Variants in AFG2A observed in about 807,000 individuals in gnomAD.
The protein encoded by AFG2A is ATPase family gene 2 protein homolog A.
chr4:123,291,838 A>G, the AFG2A span, among the ~76,000 whole-genome samples: 94 of 152,328 alleles, frequency 6.2e-4, no homozygotes, highest in African/African-American at 2.0e-3. Context: ...CCTGATGAAT[A>G]TATGCCTTGC....
the AFG2A span, among the ~76,000 whole-genome samples, chr4:123,193,364 C>T: frequency 1.3e-5 from 2 of 152,040 alleles, no homozygotes; most frequent in Non-Finnish European, 2.9e-5. Flanking sequence ...CTGAACATTC[C>T]CTAGTGTACA....
the AFG2A span, among the ~76,000 whole-genome samples, chr4:122,986,795 C>T: frequency 0.011 from 1,734 of 152,146 alleles, 44 homozygotes; most frequent in African/African-American, 0.039. Flanking sequence ...GTGTATTCTG[C>T]GGCCATTGGT....
chr4:123,023,223 A>G, the AFG2A span, among the ~76,000 whole-genome samples: 1 of 152,076 alleles, frequency 6.6e-6, no homozygotes, highest in South Asian at 2.1e-4. Context: ...AAGGAAAAAA[A>G]AGGGTTAAAA....
the AFG2A span, among the ~76,000 whole-genome samples, chr4:123,226,073 G>C: frequency 6.6e-5 from 10 of 152,188 alleles, no homozygotes; most frequent in Middle Eastern, 3.4e-3. Flanking sequence ...TATCCTGAGA[G>C]TTTGCTGAAG....
At chr4:123,183,732 C>T in the AFG2A span, among the ~76,000 whole-genome samples, 1 of 152,114 alleles carries the variant, frequency 6.6e-6, no homozygotes, top group Non-Finnish European at 1.5e-5. Flanking sequence ...GCTTGATTTA[C>T]ATGAGGCCCA....
the AFG2A span, among the ~76,000 whole-genome samples, chr4:123,132,752 G>T: frequency 6.7e-6 from 1 of 150,252 alleles, no homozygotes; most frequent in Non-Finnish European, 1.5e-5. Context: ...CATCTCTTCC[G>T]CATCTCTTCC....
At chr4:122,933,990 T>G in the AFG2A span, 1 of 1,250,914 alleles carries the variant, frequency 8.0e-7, no homozygotes, top group Non-Finnish European at 1.1e-6. Context: ...TAATACTCTG[T>G]CTTTGATTTA....
At chr4:123,246,756 C>T in the AFG2A span, among the ~76,000 whole-genome samples, 4 of 152,250 alleles carry the variant, frequency 2.6e-5, no homozygotes, top group South Asian at 6.2e-4. Context: ...GGAAAGTCTG[C>T]CCTACATGTG....
At chr4:123,100,067 T>G in the AFG2A span, among the ~76,000 whole-genome samples, 137,539 of 151,520 alleles carry the variant, frequency 0.91, 62,660 homozygotes, top group East Asian at 0.98. Context: ...AAAAGAAATT[T>G]GGTTTTTCAA....
chr4:122,957,757 A>G, the AFG2A span, among the ~76,000 whole-genome samples: 1 of 152,144 alleles, frequency 6.6e-6, no homozygotes, highest in Non-Finnish European at 1.5e-5. Context: ...GTTAAACATG[A>G]TAAGTTTCCT....
chr4:123,140,420 G>A, the AFG2A span, among the ~76,000 whole-genome samples: 27 of 151,422 alleles, frequency 1.8e-4, no homozygotes, highest in Admixed American at 1.8e-3. Context: ...ATTGATATAT[G>A]ATGATATGTT....
chr4:122,974,159 A>G, the AFG2A span, among the ~76,000 whole-genome samples: 2 of 151,842 alleles, frequency 1.3e-5, no homozygotes, highest in Non-Finnish European at 2.9e-5. Flanking sequence ...TTATATTATA[A>G]TATTAAATAT....
the AFG2A span, among the ~76,000 whole-genome samples, chr4:123,262,554 TA>T: frequency 2.0e-5 from 3 of 152,218 alleles, no homozygotes; most frequent in African/African-American, 7.2e-5. Flanking sequence ...GAATATTTGA[TA>T]AAAGTTTGTC....
the AFG2A span, among the ~76,000 whole-genome samples, chr4:123,151,066 A>G: frequency 1.3e-5 from 2 of 152,360 alleles, no homozygotes; most frequent in African/African-American, 4.8e-5. Context: ...GGCTAGCTAT[A>G]TGCAGAAAAA....
chr4:123,076,032 C>T, the AFG2A span, among the ~76,000 whole-genome samples: 1 of 151,660 alleles, frequency 6.6e-6, no homozygotes, highest in African/African-American at 2.4e-5. Context: ...GTGGTTCATG[C>T]CTATAATCTC....
chr4:123,208,881 C>T, the AFG2A span, among the ~76,000 whole-genome samples: 1 of 152,138 alleles, frequency 6.6e-6, no homozygotes, highest in Admixed American at 6.5e-5. Flanking sequence ...CTTAGAATTT[C>T]CAAAGTAGTA....
At chr4:123,107,216 G>T in the AFG2A span, among the ~76,000 whole-genome samples, 3 of 152,182 alleles carry the variant, frequency 2.0e-5, no homozygotes, top group Admixed American at 6.5e-5. Context: ...CAGGGTTGGG[G>T]GTGTTTTTCA....
chr4:123,002,560 ATGAAGCT>A, the AFG2A span, among the ~76,000 whole-genome samples: 114 of 152,154 alleles, frequency 7.5e-4, no homozygotes, highest in African/African-American at 2.4e-3. Flanking sequence ...TCCTTCACTT[ATGAAGCT>A]TAGTTTGGCT....
chr4:123,032,800 G>A, the AFG2A span, among the ~76,000 whole-genome samples: 1 of 152,188 alleles, frequency 6.6e-6, no homozygotes, highest in Non-Finnish European at 1.5e-5. Context: ...ACAGCTCCCG[G>A]TCAGCCATTG....
Sources: allele counts gnomAD v4.1 joint callset (sites outside exome capture counted in the v4.1 genomes callset), GRCh38; gene constraint gnomAD v4.1.1; transcripts MANE v1.5; gene names NCBI Gene and HGNC (gene_info 2026-07-23, HGNC 2026-07-21).